Variants in SP140 observed in about 807,000 individuals in gnomAD.
The protein encoded by SP140 is SP140 nuclear body protein.
SP140 carries 81 observed loss-of-function variants against 125.0 expected under a neutral mutation model. The ratio of observed to expected loss-of-function variants is 0.65; its 90% CI spans 0.54 to 0.78. The LOEUF is 0.78. SP140 is among the 30% of genes least tolerant of loss of function. The probability of loss-of-function intolerance (pLI) is 0.00; values close to 1 mark genes in which losing one functional copy is unlikely to be tolerated. For missense variants in SP140, 858 were observed against 1,037.0 expected (o/e 0.83, Z 2.37); for synonymous variants, 312 against 354.0 (o/e 0.88, Z 1.33).
At chr2:230,269,738 T>A in intron 13 of SP140, 99 bp from the exon 14 acceptor site, 1 of 1,122,718 alleles carries the variant, frequency 8.9e-7, no homozygotes, top group Non-Finnish European at 1.3e-6. Context: ...AAGGAGAAGA[T>A]TTCAGAGGAA....
intron 11 of SP140, among the ~76,000 whole-genome samples, chr2:230,254,055 G>A (rs992217511): frequency 3.3e-5 from 5 of 152,118 alleles, no homozygotes. Context: ...GAAAGACAAA[G>A]TAGAAAGAGG....
At chr2:230,224,712 C>T (rs950004196), upstream of SP140, among the ~76,000 whole-genome samples, 2 of 152,120 alleles carry the variant, frequency 1.3e-5, no homozygotes, top group Non-Finnish European at 2.9e-5. Flanking sequence ...GTGTAATGAA[C>T]CAGAAAAAGT....
At chr2:230,193,156 A>T in the SP140 span, among the ~76,000 whole-genome samples, 2 of 152,166 alleles carry the variant, frequency 1.3e-5, no homozygotes, top group African/African-American at 2.4e-5. Context: ...GTTTTATCTG[A>T]TATGAGAAAA....
chr2:230,260,311 T>A (rs111526397), intron 12 of SP140, among the ~76,000 whole-genome samples: 2,699 of 152,314 alleles, frequency 0.018, 102 homozygotes, highest in African/African-American at 0.062. Flanking sequence ...CTTACTGATT[T>A]GTTTAAGTTC....
chr2:230,235,012 T>A (rs1487668679), intron 1 of SP140: 1 of 152,214 alleles, frequency 6.6e-6, no homozygotes, highest in Non-Finnish European at 1.5e-5. Context: ...AACTTGAAAC[T>A]CCATTTAATG....
rs1394413731 is a variant in SP140, at chr2:230,225,906, G to C, written c.59+3G>C. The stretch of plus-strand genomic sequence containing the variant: ...GGAGACAGCAATCTCAACTTCAGGT[G>C]GGTCATCGTCTCCTTTCCCGTCTGT... On this transcript the variant is annotated splice_donor_region_variant and intron_variant, in intron 1 of 26. Coordinates refer to ENST00000392045, the MANE Select transcript of SP140 (RefSeq NM_007237.5). The C allele has an allele frequency of 2.5e-6, 4 of 1,613,074 alleles. No homozygotes were observed. In the South Asian group the frequency reaches 3.3e-5, roughly 13 times the overall value.
chr2:230,208,275 T>C (rs2044097452), intron 1 of SP140, among the ~76,000 whole-genome samples: 1 of 152,136 alleles, frequency 6.6e-6, no homozygotes, highest in Admixed American at 6.5e-5. Flanking sequence ...GGAGTTTAGG[T>C]AGCTCATTTC....
At chr2:230,313,746 G>A (rs2059459636), downstream of SP140, among the ~76,000 whole-genome samples, 1 of 152,206 alleles carries the variant, frequency 6.6e-6, no homozygotes, top group Admixed American at 6.5e-5. Flanking sequence ...TAGCCCAATG[G>A]TGCTGGGCAG....
chr2:230,216,764 G>C (rs200699664), intron 3 of SP140: 2 of 1,613,472 alleles, frequency 1.2e-6, no homozygotes, highest in South Asian at 2.2e-5. Context: ...GCCATGGAAG[G>C]GTTCAACATG....
chr2:230,277,815 C>T (rs1300528946), intron 15 of SP140, among the ~76,000 whole-genome samples: 3 of 151,970 alleles, frequency 2.0e-5, no homozygotes, highest in African/African-American at 7.2e-5. Flanking sequence ...ATTCAAAATA[C>T]TATTTTATGT....
At chr2:230,198,401 C>A (rs1405771669), upstream of SP140, among the ~76,000 whole-genome samples, 1 of 152,184 alleles carries the variant, frequency 6.6e-6, no homozygotes, top group Non-Finnish European at 1.5e-5. Flanking sequence ...TAGAGGAGGG[C>A]AGTCATAATG....
chr2:230,294,394 T>C, intron 21 of SP140, 76 bp downstream of exon 21: 1 of 1,126,592 alleles, frequency 8.9e-7, no homozygotes, highest in South Asian at 1.3e-5. Context: ...TTTTATGGGG[T>C]CTGAAATTGG....
intron 22 of SP140, among the ~76,000 whole-genome samples, chr2:230,298,918 T>C (rs1245075286): frequency 1.3e-5 from 2 of 152,234 alleles, no homozygotes; most frequent in African/African-American, 4.8e-5. Context: ...GCCTCAACCC[T>C]GACCCAGTGA....
At chr2:230,226,935 T>A (rs2046512716) in intron 1 of SP140, among the ~76,000 whole-genome samples, 1 of 152,172 alleles carries the variant, frequency 6.6e-6, no homozygotes, top group Non-Finnish European at 1.5e-5. Context: ...TATAACTATT[T>A]GTATAGCATT....
At chr2:230,271,560 A>G (rs142538083) in intron 15 of SP140, among the ~76,000 whole-genome samples, 3 of 152,332 alleles carry the variant, frequency 2.0e-5, no homozygotes, top group East Asian at 3.9e-4. Flanking sequence ...TCCTTATTAT[A>G]TAGTGGTCTG....
chr2:230,238,379 A>G lies in SP140; in HGVS notation c.404A>G (p.Asn135Ser), dbSNP rs1574935912. The G allele has an allele frequency of 1.2e-6, 2 of 1,609,878 alleles. No homozygotes were observed. Among genetic ancestry groups the G allele is most frequent in the African/African-American group, 1.3e-5 (1 of 74,614 alleles). The change falls in exon 3 of 27, where the codon AAT becomes AGT. Residue 135 changes from asparagine (N) to serine (S), a missense_variant and splice_region_variant. Asn to Ser is a conservative substitution (Grantham distance 46). Transcript: ENST00000392045. ...DLNEIYRSFQ[N>S]VCYEHSPLQM... Reference sequence around the variant, plus strand: ...AACGAGATTTACAGAAGCTTCCAGAATGGTAACTATAGCTCTCAACAGCTT... The same window carrying G: ...AACGAGATTTACAGAAGCTTCCAGAGTGGTAACTATAGCTCTCAACAGCTT...
chr2:230,220,840 CAAAAAATA>C (rs749668606), upstream of SP140, among the ~76,000 whole-genome samples: 6 of 151,782 alleles, frequency 4.0e-5, no homozygotes, highest in East Asian at 1.9e-4. Flanking sequence ...CCCATCTCTA[CAAAAAATA>C]AAAAAATAAA....
downstream of SP140, among the ~76,000 whole-genome samples, chr2:230,314,267 C>T (rs1251060873): frequency 1.3e-5 from 2 of 152,168 alleles, no homozygotes; most frequent in East Asian, 1.9e-4. Context: ...ACCCAACTCC[C>T]GATTTTTCTA....
chr2:230,200,694 T>G, upstream of SP140: 1 of 621,964 alleles, frequency 1.6e-6, no homozygotes, highest in Non-Finnish European at 2.8e-6. Context: ...ACACATTACA[T>G]AAAATGGACA....
Sources: gnomAD v4.1 joint callset for allele counts (sites outside exome capture counted in the v4.1 genomes callset) on GRCh38, gnomAD v4.1.1 for gene constraint, MANE v1.5 for transcripts, NCBI Gene and HGNC (gene_info 2026-07-23, HGNC 2026-07-21) for gene names.